Variants in HIBCH observed in about 807,000 individuals in gnomAD.
The protein encoded by HIBCH is 3-hydroxyisobutyryl-CoA hydrolase, also known as 3-hydroxyisobutyryl-CoA hydrolase, mitochondrial.
A neutral mutation model predicts 58.2 loss-of-function variants in HIBCH; 50 were observed. The ratio of observed to expected loss-of-function variants is 0.86; its 90% CI spans 0.68 to 1.09. The LOEUF (loss-of-function observed/expected upper bound fraction) is 1.09, where lower values mean the gene tolerates loss of function less well. HIBCH is among the 50% of genes least tolerant of loss of function. The pLI is 0.00. For synonymous variants in HIBCH, 151 were observed against 146.9 expected, an observed-to-expected ratio of 1.03 and a Z score of -0.20; for missense variants, 450 against 449.7, an observed-to-expected ratio of 1.00 and a Z score of -0.01.
intron 7 of HIBCH, among the ~76,000 whole-genome samples, chr2:190,255,811 G>C (rs1316403353): frequency 1.3e-5 from 2 of 151,752 alleles, no homozygotes; most frequent in East Asian, 3.9e-4. Flanking sequence ...TCTCTTTTAA[G>C]TACTTAGCTT....
intron 8 of HIBCH, among the ~76,000 whole-genome samples, chr2:190,251,909 T>C (rs796591166): frequency 2.3e-4 from 35 of 152,272 alleles, no homozygotes; most frequent in African/African-American, 7.7e-4. Context: ...ACTCTAATTG[T>C]TCACTTAAAA....
rs35946181 is a variant in HIBCH at position 190,204,962 on chromosome 2, AT to A, written c.*154del. 1 of 652,078 alleles carries A rather than the reference AT, an allele frequency of 1.5e-6. No individual in the cohort carries two copies. Among genetic ancestry groups the A allele is most frequent in the South Asian group, 1.7e-5 (1 of 58,496 alleles). The allele number at this position is 652,078 out of a possible 1,614,324, so 40.4% of individuals were successfully genotyped here. ...AATTCTGATAATTTTCACGTCATGA[AT>A]TATTAGTCTTTGATTTCTTTTCCCA... On this transcript the variant is annotated 3_prime_UTR_variant, in exon 14 of 14. Coordinates refer to ENST00000359678, the MANE Select transcript of HIBCH (RefSeq NM_014362.4).
At chr2:190,223,385 A>G (rs947602498) in intron 11 of HIBCH, among the ~76,000 whole-genome samples, 7 of 152,174 alleles carry the variant, frequency 4.6e-5, no homozygotes, top group Non-Finnish European at 8.8e-5. Flanking sequence ...CATGCATGCC[A>G]CCATGCCCTA....
rs1690326235 is a variant in HIBCH, at chr2:190,203,971, A to G, written c.*1146T>C. 1 of 152,096 alleles carries G rather than the reference A, an allele frequency of 6.6e-6. No homozygotes were observed. Among genetic ancestry groups the G allele is most frequent in the Non-Finnish European group, 1.5e-5 (1 of 67,950 alleles). 9.4% of individuals were successfully genotyped at this position (152,096 alleles called of 1,614,324 possible). On this transcript the variant is annotated 3_prime_UTR_variant, in exon 14 of 14. Coordinates refer to ENST00000359678, the MANE Select transcript of HIBCH (RefSeq NM_014362.4). ...TATAAACAAAAATTACAAACAAAAA[A>G]TTATAAATTTTGTTTGTTAATTTAT... is the stretch of plus-strand genomic sequence containing the variant.
intron 2 of HIBCH, among the ~76,000 whole-genome samples, chr2:190,302,154 G>A (rs1022251424): frequency 6.6e-6 from 1 of 152,218 alleles, no homozygotes; most frequent in African/African-American, 2.4e-5. Context: ...CTAAAGGGCT[G>A]CAGCCTGCAG....
chr2:190,286,236 C>T (rs1029137930), intron 6 of HIBCH, among the ~76,000 whole-genome samples: 1 of 152,192 alleles, frequency 6.6e-6, no homozygotes, highest in Non-Finnish European at 1.5e-5. Context: ...TCTCAACAAA[C>T]AAGCCTACCT....
At chr2:190,303,180 T>C (rs1041220532) in intron 2 of HIBCH, among the ~76,000 whole-genome samples, 5 of 152,176 alleles carry the variant, frequency 3.3e-5, no homozygotes, top group African/African-American at 9.7e-5. Flanking sequence ...ATTAGAGATA[T>C]GCATGAATAC....
intron 11 of HIBCH, among the ~76,000 whole-genome samples, chr2:190,237,610 G>GT (rs1429860424): frequency 6.6e-6 from 1 of 151,956 alleles, no homozygotes; most frequent in African/African-American, 2.4e-5. Flanking sequence ...GTTTAACTTT[G>GT]TAAGAAACTG....
At chr2:190,250,255 C>A (rs1388014158) in intron 8 of HIBCH, 1 of 367,828 alleles carries the variant, frequency 2.7e-6, no homozygotes, top group Non-Finnish European at 5.5e-6. Flanking sequence ...CCTGATAATA[C>A]TCACCTTAAG....
At chr2:190,244,482 C>T (rs998728883) in intron 11 of HIBCH, among the ~76,000 whole-genome samples, 1 of 152,058 alleles carries the variant, frequency 6.6e-6, no homozygotes, top group Non-Finnish European at 1.5e-5. Flanking sequence ...TTAGAAAGAC[C>T]ATATTAAGTA....
At chr2:190,235,474 GA>G (rs112860591) in intron 11 of HIBCH, among the ~76,000 whole-genome samples, 3 of 152,192 alleles carry the variant, frequency 2.0e-5, no homozygotes, top group South Asian at 2.1e-4. Context: ...GTTCATGTGT[GA>G]AAAAATATTG....
rs1469474034 is a variant in HIBCH, at chr2:190,306,732, C to T, written c.78+4022G>A. Among the ~76,000 whole-genome samples the T allele has an allele frequency of 2.6e-5, 4 of 152,200 alleles. No homozygotes were observed. Among genetic ancestry groups the T allele is most frequent in the Non-Finnish European group, 5.9e-5 (4 of 68,036 alleles). On this transcript the variant is annotated intron_variant, in intron 2 of 13. Coordinates refer to ENST00000359678, the MANE Select transcript of HIBCH (RefSeq NM_014362.4). The surrounding 1 kb of genome is among the most constrained non-coding windows in gnomAD (Gnocchi z 4.6). ...CTTGTATAGTACTACAGACTGAATG[C>T]TTGCATCCTTCCAAAATTTGTATGT...
intron 7 of HIBCH, among the ~76,000 whole-genome samples, chr2:190,253,982 T>G (rs780930776): frequency 5.9e-5 from 9 of 152,028 alleles, no homozygotes; most frequent in Non-Finnish European, 5.9e-5. Context: ...CTTTCCAGTC[T>G]CCCTCACAGA....
chr2:190,203,052 CTTA>C (rs1325532001), downstream of HIBCH: 5 of 166,972 alleles, frequency 3.0e-5, no homozygotes, highest in African/African-American at 1.2e-4. Flanking sequence ...GTCAAACTGC[CTTA>C]TTAGTATTAA....
At position 190,216,417 on chromosome 2, in the gene HIBCH, C is replaced by T. The variant is rs1446450003; in HGVS notation, c.892-3342G>A. Among the ~76,000 whole-genome samples, 1 of 152,120 alleles carries T rather than the reference C, an allele frequency of 6.6e-6. No homozygotes were observed. The highest frequency in any genetic ancestry group is 2.1e-4 in the South Asian group (1 of 4,832). ...TTGTTTTACTGAGAGGCTGTAAGTC[C>T]ACCACGGGCAGCTGTCAGTAAGGCT... is the stretch of plus-strand genomic sequence containing the variant. On this transcript the variant is annotated intron_variant, in intron 11 of 13. Coordinates refer to ENST00000359678, the MANE Select transcript of HIBCH (RefSeq NM_014362.4). This position sits in a 1 kb window ranked among gnomAD's most constrained non-coding sequence, Gnocchi z 4.2.
rs1274730776 is a variant in HIBCH at position 190,209,849 on chromosome 2, A to C, written c.1012-936T>G. Among the ~76,000 whole-genome samples, 1 of 152,232 alleles carries C rather than the reference A, an allele frequency of 6.6e-6. No homozygotes were observed. Among genetic ancestry groups the C allele is most frequent in the African/African-American group, 2.4e-5 (1 of 41,464 alleles). On this transcript the variant is annotated intron_variant, in intron 12 of 13. Coordinates refer to ENST00000359678, the MANE Select transcript of HIBCH (RefSeq NM_014362.4). The surrounding 1 kb of genome is among the most constrained non-coding windows in gnomAD (Gnocchi z 5.6). The stretch of plus-strand genomic sequence containing the variant: ...ACATCCTGATAGCTACATATTAACT[A>C]TGTGACCTCGGACTAGTAATTTCTC...
At position 190,278,211 on chromosome 2, in the gene HIBCH, C is replaced by CT. The variant is rs1159098454; in HGVS notation, c.438+9374dup. 2.5e-3 allele frequency among the ~76,000 whole-genome samples: 369 copies of CT among 145,606 alleles called. 1 individual carries two copies. The highest frequency in any genetic ancestry group is 7.7e-3 in the African/African-American group (307 of 39,950). On this transcript the variant is annotated intron_variant, in intron 6 of 13. Transcript: ENST00000359678. The stretch of plus-strand genomic sequence containing the variant: ...AGAGATGGGGCAGGGAAAGAATCTG[C>CT]TTTTTTTTTTTAAGATGGAGTCTCG...
rs1340034559 is a variant in HIBCH, at chr2:190,279,570, C to A, written c.438+8016G>T. ...AAGTAGAGGATCCTCTTCAAAGAGA[C>A]TTTCCTCCCTGTCTAATTAGGAATA... On this transcript the variant is annotated intron_variant, in intron 6 of 13. Coordinates refer to ENST00000359678, the MANE Select transcript of HIBCH (RefSeq NM_014362.4). The surrounding 1 kb of genome is among the most constrained non-coding windows in gnomAD (Gnocchi z 4.2). 6.6e-6 allele frequency among the ~76,000 whole-genome samples: 1 copy of A among 152,194 alleles called. No homozygotes were observed. The highest frequency in any genetic ancestry group is 1.5e-5 in the Non-Finnish European group (1 of 68,040).
intron 6 of HIBCH, among the ~76,000 whole-genome samples, chr2:190,285,003 T>G (rs1687795191): frequency 6.6e-6 from 1 of 152,228 alleles, no homozygotes; most frequent in Non-Finnish European, 1.5e-5. Context: ...TCATAGTCAT[T>G]ACCTCAAAAC....
Sources: allele counts gnomAD v4.1 joint callset (sites outside exome capture counted in the v4.1 genomes callset), GRCh38; gene constraint gnomAD v4.1.1; non-coding constraint Gnocchi (gnomAD v3.1); transcripts MANE v1.5; gene names NCBI Gene and HGNC (gene_info 2026-07-23, HGNC 2026-07-21).